SLC39A8: variants seen among roughly 807,000 people sequenced by gnomAD.
SLC39A8 encodes the protein solute carrier family 39 member 8, also known as metal cation symporter ZIP8.
A neutral mutation model predicts 40.4 loss-of-function variants in SLC39A8; 15 were observed. That is an observed-to-expected ratio of 0.37 (90% CI 0.25 to 0.57). The LOEUF is 0.57. SLC39A8 is among the 20% of genes least tolerant of loss of function. SLC39A8 has a pLI of 0.75. For missense variants in SLC39A8, 472 were observed against 558.8 expected (o/e 0.84, Z 1.57); for synonymous variants, 223 against 221.6 (o/e 1.01, Z -0.06).
downstream of SLC39A8, among the ~76,000 whole-genome samples, chr4:102,260,402 G>T (rs757252665): frequency 1.6e-4 from 24 of 152,326 alleles, no homozygotes; most frequent in Middle Eastern, 3.4e-3. Flanking sequence ...TACAAGTGGA[G>T]ATTATTGGCT....
chr4:102,287,292 C>T (rs545966286), intron 6 of SLC39A8, among the ~76,000 whole-genome samples: 14 of 152,132 alleles, frequency 9.2e-5, no homozygotes, highest in South Asian at 6.2e-4. Flanking sequence ...CTTCATCAAG[C>T]GGCTGTCTAA....
intron 2 of SLC39A8, among the ~76,000 whole-genome samples, chr4:102,328,340 T>G (rs1013493939): frequency 2.2e-5 from 3 of 138,422 alleles, no homozygotes; most frequent in Admixed American, 1.4e-4. Flanking sequence ...TATCTCTCTG[T>G]TTTTTTTTTT....
At chr4:102,322,118 G>A (rs966457076) in intron 2 of SLC39A8, among the ~76,000 whole-genome samples, 1 of 152,218 alleles carries the variant, frequency 6.6e-6, no homozygotes, top group African/African-American at 2.4e-5. Flanking sequence ...ATGTGATTTT[G>A]GTAAGCATAG....
At chr4:102,327,834 T>C (rs1322256643) in intron 2 of SLC39A8, among the ~76,000 whole-genome samples, 1 of 152,196 alleles carries the variant, frequency 6.6e-6, no homozygotes, top group African/African-American at 2.4e-5. Flanking sequence ...TTCTGAGAAA[T>C]ATAAATCAAT....
At chr4:102,252,208 G>T (rs1201750291) in exon 12 of SLC39A8, 1 of 152,318 alleles carries the variant, frequency 6.6e-6, no homozygotes, top group Non-Finnish European at 1.5e-5. Flanking sequence ...GTCAAAGAAA[G>T]AATGCAAAGG....
At chr4:102,336,781 G>A (rs373063669) in intron 2 of SLC39A8, among the ~76,000 whole-genome samples, 1 of 152,116 alleles carries the variant, frequency 6.6e-6, no homozygotes, top group South Asian at 2.1e-4. Flanking sequence ...AAGGTAATTC[G>A]ATGAAAGGTT....
chr4:102,338,518 G>A (rs1384395025), intron 2 of SLC39A8, among the ~76,000 whole-genome samples: 1 of 152,072 alleles, frequency 6.6e-6, no homozygotes, highest in Non-Finnish European at 1.5e-5. Flanking sequence ...AGGTCTCTGA[G>A]GACAAAGACA....
chr4:102,332,446 A>C (rs541236809), intron 2 of SLC39A8, among the ~76,000 whole-genome samples: 1 of 152,378 alleles, frequency 6.6e-6, no homozygotes, highest in African/African-American at 2.4e-5. Context: ...GAGAAATGCA[A>C]ATCAAAACCA....
At chr4:102,278,552 T>C (rs1732726621) in intron 6 of SLC39A8, among the ~76,000 whole-genome samples, 1 of 152,076 alleles carries the variant, frequency 6.6e-6, no homozygotes, top group Admixed American at 6.5e-5. Flanking sequence ...GAGTATAAAT[T>C]AGTTCAACCA....
At chr4:102,272,276 A>G (rs1732395446) in intron 6 of SLC39A8, among the ~76,000 whole-genome samples, 1 of 152,024 alleles carries the variant, frequency 6.6e-6, no homozygotes, top group African/African-American at 2.4e-5. Context: ...TACTAAAAAT[A>G]CTAATAAAAA....
chr4:102,318,243 T>C (rs988566550), intron 2 of SLC39A8, among the ~76,000 whole-genome samples: 5 of 152,108 alleles, frequency 3.3e-5, no homozygotes, highest in South Asian at 4.1e-4. Flanking sequence ...AGCATTTGTG[T>C]TGAAATTTTA....
intron 6 of SLC39A8, among the ~76,000 whole-genome samples, chr4:102,270,860 T>G (rs1203184897): frequency 6.6e-6 from 1 of 152,066 alleles, no homozygotes; most frequent in African/African-American, 2.4e-5. Context: ...AATCCCAACA[T>G]AAATTGGAGG....
At chr4:102,267,813 C>A in intron 7 of SLC39A8, 59 bp downstream of exon 7, 1 of 1,585,922 alleles carries the variant, frequency 6.3e-7, no homozygotes, top group South Asian at 1.1e-5. Flanking sequence ...CCTGAAAAGT[C>A]TCATTCCACT....
intron 6 of SLC39A8, among the ~76,000 whole-genome samples, chr4:102,286,364 A>G (rs1056693018): frequency 1.2e-4 from 18 of 152,304 alleles, no homozygotes; most frequent in African/African-American, 4.3e-4. Flanking sequence ...CATTACACTA[A>G]TGGAGGAAAA....
chr4:102,307,213 C>T (rs1361187100), intron 4 of SLC39A8, among the ~76,000 whole-genome samples: 1 of 152,060 alleles, frequency 6.6e-6, no homozygotes, highest in African/African-American at 2.4e-5. Flanking sequence ...TGAGCACGTC[C>T]TAGTGGCTGG....
intron 2 of SLC39A8, among the ~76,000 whole-genome samples, chr4:102,328,174 T>C (rs1286341502): frequency 6.6e-6 from 1 of 152,196 alleles, no homozygotes; most frequent in Non-Finnish European, 1.5e-5. Flanking sequence ...ATTGGACCCA[T>C]GGAAATGCAT....
chr4:102,333,105 G>A (rs72692260), intron 2 of SLC39A8, among the ~76,000 whole-genome samples: 5,080 of 152,158 alleles, frequency 0.033, 136 homozygotes, highest in Non-Finnish European at 0.049. Flanking sequence ...CATGTCACGC[G>A]TATACCTAAG....
downstream of SLC39A8, chr4:102,261,641 A>T: frequency 1.1e-6 from 1 of 928,404 alleles, no homozygotes; most frequent in Non-Finnish European, 1.3e-6. Context: ...CAGGACAAAT[A>T]TTAAATAACA....
intron 2 of SLC39A8, among the ~76,000 whole-genome samples, chr4:102,321,482 C>A (rs1375229122): frequency 1.3e-5 from 2 of 152,192 alleles, no homozygotes; most frequent in Admixed American, 1.3e-4. Context: ...GAGATGGGGG[C>A]CTGTTAGCAG....
Sources: allele counts gnomAD v4.1 joint callset (sites outside exome capture counted in the v4.1 genomes callset), GRCh38; gene constraint gnomAD v4.1.1; transcripts MANE v1.5; gene names NCBI Gene and HGNC (gene_info 2026-07-23, HGNC 2026-07-21).